Variants in CD82 observed in about 807,000 individuals in gnomAD.
CD82 encodes the protein CD82 antigen.
A neutral mutation model predicts 37.4 loss-of-function variants in CD82; 36 were observed. The observed-to-expected ratio is 0.96, with a 90% CI of 0.74 to 1.27. CD82 has a LOEUF of 1.27. Ranked by LOEUF, CD82 falls within the 50% of genes most tolerant of loss-of-function variation. The pLI is 0.00. For missense variants in CD82, 340 were observed against 347.0 expected, an observed-to-expected ratio of 0.98 and a Z score of 0.16; for synonymous variants, 158 against 137.4, an observed-to-expected ratio of 1.15 and a Z score of -1.05.
intron 2 of CD82, among the ~76,000 whole-genome samples, chr11:44,588,809 T>C (rs7944767): frequency 0.98 from 149,517 of 152,292 alleles, 73,411 homozygotes; most frequent in Non-Finnish European, 0.99. Flanking sequence ...GTGGTGATTT[T>C]GGAGGTGAGT....
intron 7 of CD82, among the ~76,000 whole-genome samples, chr11:44,617,390 C>G (rs1455642137): frequency 6.6e-6 from 1 of 152,058 alleles, no homozygotes; most frequent in Admixed American, 6.5e-5. Context: ...GAAACCCCGT[C>G]TCTACTAAAA....
chr11:44,597,925 A>G lies in CD82; in HGVS notation c.64-2233A>G, dbSNP rs951869242. ...CAGCTGTGCAAATTAAGGTGGACCC[A>G]CCTTCCAGCAGACTCTTCTCCTCCC... On this transcript the variant is annotated intron_variant, in intron 3 of 9. Transcript: ENST00000227155. The surrounding 1 kb of genome is among the most constrained non-coding windows in gnomAD (Gnocchi z 4.1). Among the ~76,000 whole-genome samples the G allele has an allele frequency of 2.0e-5, 3 of 152,078 alleles. No individual in the cohort carries two copies. The East Asian group carries it at 5.8e-4, about 29-fold the overall frequency.
At chr11:44,617,473 C>T (rs577004421) in intron 7 of CD82, among the ~76,000 whole-genome samples, 6 of 146,226 alleles carry the variant, frequency 4.1e-5, no homozygotes, top group African/African-American at 7.6e-5. Context: ...GCAGGAGAAT[C>T]GTTTGAACCC....
intron 7 of CD82, 97 bp downstream of exon 7, chr11:44,615,470 C>A: frequency 4.0e-6 from 3 of 753,114 alleles, no homozygotes; most frequent in East Asian, 2.7e-5. Flanking sequence ...ATCTGCAGTG[C>A]TCGTGTGTGC....
intron 3 of CD82, among the ~76,000 whole-genome samples, chr11:44,598,116 A>G (rs1008992177): frequency 2.6e-5 from 4 of 152,134 alleles, no homozygotes; most frequent in African/African-American, 9.7e-5. Flanking sequence ...GAGGTCAATT[A>G]CAAGGCCCGT....
intron 6 of CD82, among the ~76,000 whole-genome samples, chr11:44,611,903 G>T (rs933563205): frequency 1.3e-5 from 2 of 152,228 alleles, no homozygotes; most frequent in African/African-American, 4.8e-5. Context: ...TTTCAGGGAG[G>T]CTGGGAGAGA....
At chr11:44,612,650 T>TTTTTTTTTTTTG (rs1853501587) in intron 6 of CD82, among the ~76,000 whole-genome samples, 1 of 143,314 alleles carries the variant, frequency 7.0e-6, no homozygotes, top group Admixed American at 7.0e-5. Flanking sequence ...TTTTTTTTTT[T>TTTTTTTTTTTTG]GAGATGGAGT....
Position 44,605,106 on chromosome 11 carries a change from T to G in CD82, c.185T>G (p.Val62Gly). ...ATGGGGGCCTATGTCTTCATCGGCG[T>G]GGGGGCAGTCACTATGCTCATGGGC... ...LRMGAYVFIG[V>G]GAVTMLMGFL... is the part of the protein sequence containing the mutation. Residue 62 changes from valine to glycine, a missense_variant, in exon 5 of 10, where the codon GTG becomes GGG. By Grantham distance (109) the Val-to-Gly change is moderately radical. Transcript: ENST00000227155. 6.2e-7 allele frequency: 1 copy of G among 1,614,180 alleles called. No individual in the cohort carries two copies. Among genetic ancestry groups the G allele is most frequent in the Non-Finnish European group, 8.5e-7 (1 of 1,180,016 alleles).
intron 7 of CD82, among the ~76,000 whole-genome samples, chr11:44,617,195 C>A: frequency 6.6e-6 from 1 of 152,154 alleles, no homozygotes; most frequent in East Asian, 1.9e-4. Flanking sequence ...ACACAGAGAC[C>A]TCCTTTAGCA....
intron 6 of CD82, among the ~76,000 whole-genome samples, chr11:44,609,949 G>C (rs888542426): frequency 2.0e-5 from 3 of 152,190 alleles, no homozygotes; most frequent in Admixed American, 1.3e-4. Context: ...TGGACTTGCA[G>C]AAAAGATGCA....
chr11:44,582,529 A>G (rs1327591432), intron 1 of CD82, among the ~76,000 whole-genome samples: 3 of 152,302 alleles, frequency 2.0e-5, no homozygotes, highest in East Asian at 3.9e-4. Flanking sequence ...CTGAGGCTCA[A>G]TGCAGGTAGG....
chr11:44,582,194 T>TG (rs5791639), intron 1 of CD82, among the ~76,000 whole-genome samples: 149,616 of 152,294 alleles, frequency 0.98, 73,513 homozygotes, highest in Non-Finnish European at 0.99. Context: ...TCCTGGGGTT[T>TG]GGGGCTGAAT....
intron 2 of CD82, among the ~76,000 whole-genome samples, chr11:44,589,869 T>C (rs1296274001): frequency 6.6e-6 from 1 of 152,188 alleles, no homozygotes; most frequent in African/African-American, 2.4e-5. Context: ...GGTCTCGCTC[T>C]GTCGCCCAGG....
In CD82 at chr11:44,618,715, A is replaced by T; in HGVS notation, c.718A>T (p.Ile240Phe). 1.2e-6 allele frequency: 2 copies of T among 1,613,144 alleles called. No individual in the cohort carries two copies. The highest frequency in any genetic ancestry group is 1.7e-6 in the Non-Finnish European group (2 of 1,179,502). ...IILGVGVGVA[I>F]IELLGMVLSI... is the part of the protein sequence containing the mutation. ...CCTCGGCGTGGGCGTGGGTGTGGCCATCATCGAGGTCTGAGCCCCCTCCCC... is the reference window on the plus strand; with the variant it reads ...CCTCGGCGTGGGCGTGGGTGTGGCCTTCATCGAGGTCTGAGCCCCCTCCCC... The change falls in exon 9 of 10, where the codon ATC becomes TTC. Residue 240 changes from isoleucine (I) to phenylalanine (F), a missense_variant. By Grantham distance (21) the Ile-to-Phe change is conservative. Transcript: ENST00000227155.
chr11:44,604,942 G>T lies in CD82; in HGVS notation c.137-116G>T, dbSNP rs975701767. The T allele has an allele frequency of 1.3e-5, 19 of 1,434,124 alleles. No individual in the cohort carries two copies. The African/African-American group carries it at 1.8e-4, about 14-fold the overall frequency. 88.8% of individuals were successfully genotyped at this position (1,434,124 alleles called of 1,614,324 possible). ...GGCAGTGAGAAGCCAGCAGGGGAAT[G>T]CAGCTGACCCCAACACCCTGGCTCC... On this transcript the variant is annotated intron_variant, in intron 4 of 9. Transcript: ENST00000227155.
chr11:44,609,774 G>A (rs1421552451), intron 6 of CD82, among the ~76,000 whole-genome samples: 2 of 152,178 alleles, frequency 1.3e-5, no homozygotes. Context: ...CTGGAGCCTG[G>A]GACAGGGAGA....
chr11:44,598,400 A>ATTTTTTTTTTTTTTTTTTTTTTTTTTTT (rs71038809), intron 3 of CD82, among the ~76,000 whole-genome samples: 4 of 58,880 alleles, frequency 6.8e-5, no homozygotes, highest in Non-Finnish European at 8.9e-5. Flanking sequence ...TTTGGCCTTA[A>ATTTTTTTTTTTTTTTTTTTTTTTTTTTT]TTTTTTTTTT....
chr11:44,584,308 CA>C (rs2134637477), intron 1 of CD82, among the ~76,000 whole-genome samples: 1 of 152,212 alleles, frequency 6.6e-6, no homozygotes, highest in African/African-American at 2.4e-5. Flanking sequence ...TGTTTTGAGA[CA>C]GAGTTTTGTT....
chr11:44,601,149 CCTCG>C (rs1853303067), intron 4 of CD82, among the ~76,000 whole-genome samples: 1 of 152,174 alleles, frequency 6.6e-6, no homozygotes, highest in African/African-American at 2.4e-5. Flanking sequence ...GTGCCACTCC[CCTCG>C]CTGAGTTTGG....
Sources: gnomAD v4.1 joint callset for allele counts (sites outside exome capture counted in the v4.1 genomes callset) on GRCh38, gnomAD v4.1.1 for gene constraint, Gnocchi (gnomAD v3.1) non-coding constraint, MANE v1.5 for transcripts, NCBI Gene and HGNC (gene_info 2026-07-23, HGNC 2026-07-21) for gene names.